Variants in TRPC4 observed in about 807,000 individuals in gnomAD.
TRPC4 encodes the protein transient receptor potential cation channel subfamily C member 4.
TRPC4 carries 49 observed loss-of-function variants against 99.4 expected under a neutral mutation model. That is an observed-to-expected ratio of 0.49 (90% CI 0.39 to 0.63). The LOEUF is 0.63. TRPC4 is among the 20% of genes least tolerant of loss of function. The pLI is 0.00. For missense variants in TRPC4, 898 were observed against 1,152.9 expected, an observed-to-expected ratio of 0.78 and a Z score of 3.20; for synonymous variants, 454 against 425.9, an observed-to-expected ratio of 1.07 and a Z score of -0.81.
intron 1 of TRPC4, among the ~76,000 whole-genome samples, chr13:37,852,151 C>A (rs1426351215): frequency 1.3e-5 from 2 of 152,128 alleles, no homozygotes; most frequent in Non-Finnish European, 2.9e-5. Flanking sequence ...TCAGCTGGGG[C>A]AGCTGAAGAA....
rs10549960 is a variant in TRPC4 at position 37,786,289 on chromosome 13, GACACACACACACACACAC to G, written c.-27-2947_-27-2930del. ...ATCTAAAAACACTCACAGGGAGAAA[GACACACACACACACACAC>G]ACACACACACACACACACACACACA... On this transcript the variant is annotated intron_variant, in intron 1 of 10. Transcript: ENST00000379705. Among the ~76,000 whole-genome samples, 3 of 141,062 alleles carry G rather than the reference GACACACACACACACACAC, an allele frequency of 2.1e-5. No homozygotes were observed. In the East Asian group the frequency reaches 6.2e-4, roughly 29 times the overall value. The allele number at this position is 141,062 out of a possible 152,430, so 92.5% of individuals were successfully genotyped here.
intron 1 of TRPC4, among the ~76,000 whole-genome samples, chr13:37,790,970 A>T (rs1957103163): frequency 6.6e-6 from 1 of 152,164 alleles, no homozygotes; most frequent in South Asian, 2.1e-4. Context: ...GAAAAAACAG[A>T]AGCTGTAATT....
intron 1 of TRPC4, among the ~76,000 whole-genome samples, chr13:37,845,333 G>T (rs1288665091): frequency 2.0e-5 from 3 of 151,994 alleles, no homozygotes; most frequent in African/African-American, 7.2e-5. Flanking sequence ...TCTATAAAAT[G>T]ACTAACAAAA....
Position 37,746,350 on chromosome 13 carries a change from C to T in TRPC4, c.484G>A (p.Val162Ile). ...TNNYEIIKLL[V>I]QKGVSVPRPH... Reference sequence around the variant, plus strand: ...CGAGGCACTGAGACTCCTTTCTGAACCAAGAGTTTTATTATCTCATAATTA... The same window carrying T: ...CGAGGCACTGAGACTCCTTTCTGAATCAAGAGTTTTATTATCTCATAATTA... The change falls in exon 3 of 11, where the codon GTT (valine) becomes ATT (isoleucine). Residue 162 changes from valine (V) to isoleucine (I), a missense_variant. By Grantham distance (29) the Val-to-Ile change is conservative. Around this residue, in one of 3 missense-constraint regions of TRPC4, gnomAD observed 278 missense variants for 346.6 expected, o/e 0.80. Coordinates refer to ENST00000379705, the MANE Select transcript of TRPC4 (RefSeq NM_016179.4). The T allele has an allele frequency of 6.2e-7, 1 of 1,613,470 alleles. No individual in the cohort carries two copies. The highest frequency in any genetic ancestry group is 8.5e-7 in the Non-Finnish European group (1 of 1,179,800).
chr13:37,757,951 A>G (rs1421646943), intron 2 of TRPC4, among the ~76,000 whole-genome samples: 2 of 151,910 alleles, frequency 1.3e-5, no homozygotes, highest in African/African-American at 2.4e-5. Flanking sequence ...AAAAAATAGC[A>G]CTTTATTTTA....
chr13:37,810,498 C>A (rs1475438933), intron 1 of TRPC4, among the ~76,000 whole-genome samples: 2 of 152,008 alleles, frequency 1.3e-5, no homozygotes, highest in South Asian at 2.1e-4. Flanking sequence ...CAATTAGACA[C>A]CCATCGTTCA....
At chr13:37,739,504 A>AT (rs34228089) in intron 3 of TRPC4, among the ~76,000 whole-genome samples, 6,293 of 133,702 alleles carry the variant, frequency 0.047, 386 homozygotes, top group African/African-American at 0.15. Flanking sequence ...AAAGCATGAG[A>AT]TTTTTTTTTT....
chr13:37,679,642 T>A (rs907503007), intron 4 of TRPC4, among the ~76,000 whole-genome samples: 11 of 152,308 alleles, frequency 7.2e-5, no homozygotes, highest in African/African-American at 2.6e-4. Flanking sequence ...TTAATTATAG[T>A]GTATTTTTAA....
intron 3 of TRPC4, among the ~76,000 whole-genome samples, chr13:37,729,981 TA>T (rs1365923690): frequency 6.6e-6 from 1 of 152,104 alleles, no homozygotes; most frequent in African/African-American, 2.4e-5. Context: ...TAGTAAATTT[TA>T]TATTTGTATT....
intron 1 of TRPC4, among the ~76,000 whole-genome samples, chr13:37,818,676 T>C (rs1188711086): frequency 6.6e-6 from 1 of 152,078 alleles, no homozygotes; most frequent in Non-Finnish European, 1.5e-5. Context: ...CTGGAAACCA[T>C]CATTCTCAGT....
intron 1 of TRPC4, among the ~76,000 whole-genome samples, chr13:37,861,438 G>A (rs1253812129): frequency 6.6e-6 from 1 of 151,532 alleles, no homozygotes; most frequent in Non-Finnish European, 1.5e-5. Flanking sequence ...AAGTACTTAA[G>A]TATACCAGCA....
At chr13:37,659,471 T>C (rs1031505913) in intron 6 of TRPC4, among the ~76,000 whole-genome samples, 1 of 152,092 alleles carries the variant, frequency 6.6e-6, no homozygotes, top group African/African-American at 2.4e-5. Flanking sequence ...AATTACCTAG[T>C]CTCAGATATT....
At chr13:37,817,254 A>G (rs778763603) in intron 1 of TRPC4, among the ~76,000 whole-genome samples, 1 of 152,096 alleles carries the variant, frequency 6.6e-6, no homozygotes, top group Admixed American at 6.6e-5. Flanking sequence ...CAAAATCAGG[A>G]ATGTAATCCC....
At chr13:37,671,843 C>T (rs547531044) in intron 5 of TRPC4, among the ~76,000 whole-genome samples, 88 of 152,242 alleles carry the variant, frequency 5.8e-4, no homozygotes, top group African/African-American at 2.0e-3. Flanking sequence ...GTGCTAAATG[C>T]AAATCCTTCA....
intron 1 of TRPC4, among the ~76,000 whole-genome samples, chr13:37,832,068 G>C (rs1958436179): frequency 6.6e-6 from 1 of 152,112 alleles, no homozygotes; most frequent in African/African-American, 2.4e-5. Context: ...TGATAAGTAG[G>C]TGAGGTAATA....
At chr13:37,637,657 A>G (rs780860142) in intron 10 of TRPC4, 32 bp from the exon 11 acceptor site, 1 of 1,538,848 alleles carries the variant, frequency 6.5e-7, no homozygotes, top group South Asian at 1.3e-5. Flanking sequence ...AAATTCGGTT[A>G]TGACTTAAAC....
At chr13:37,822,422 C>A (rs371297051) in intron 1 of TRPC4, among the ~76,000 whole-genome samples, 22 of 150,854 alleles carry the variant, frequency 1.5e-4, no homozygotes, top group African/African-American at 4.1e-4. Flanking sequence ...CTATCCCTCC[C>A]CCCCCACCCC....
chr13:37,855,743 T>C (rs1959168200), intron 1 of TRPC4, among the ~76,000 whole-genome samples: 4 of 151,702 alleles, frequency 2.6e-5, no homozygotes, highest in Admixed American at 2.0e-4. Flanking sequence ...TGGAAACTAT[T>C]CAAACACATG....
chr13:37,838,756 G>A lies in TRPC4; in HGVS notation c.-28+30839C>T, dbSNP rs76501836. Among the ~76,000 whole-genome samples, 505 of 152,194 alleles carry A rather than the reference G, an allele frequency of 3.3e-3. 4 individuals are homozygous for A. The highest frequency in any genetic ancestry group is 0.011 in the African/African-American group (469 of 41,508). On this transcript the variant is annotated intron_variant, in intron 1 of 10. Transcript: ENST00000379705. ...AGGTATATTCTTACTCTTGTATAGA[G>A]AGAAGCATTAAAGGAAAGTTAAGAA...
Sources: allele counts gnomAD v4.1 joint callset (sites outside exome capture counted in the v4.1 genomes callset), GRCh38; gene constraint gnomAD v4.1.1; regional missense constraint gnomAD v4.1.1; transcripts MANE v1.5; gene names NCBI Gene and HGNC (gene_info 2026-07-23, HGNC 2026-07-21).